Variants in ROR1 observed in about 807,000 individuals in gnomAD.
The protein encoded by ROR1 is ROR family WNT receptor 1.
A neutral mutation model predicts 78.8 loss-of-function variants in ROR1; 19 were observed. The ratio of observed to expected loss-of-function variants is 0.24; its 90% CI spans 0.17 to 0.35. The LOEUF (loss-of-function observed/expected upper bound fraction) is 0.35. Ranked by LOEUF, ROR1 falls within the 10% of genes least tolerant of loss-of-function variation. ROR1 has a pLI of 1.00. For missense variants in ROR1, 917 were observed against 1,177.8 expected, an observed-to-expected ratio of 0.78 and a Z score of 3.24; for synonymous variants, 386 against 433.6, an observed-to-expected ratio of 0.89 and a Z score of 1.36.
At chr1:64,073,533 CCT>C (rs1491447679) in intron 4 of ROR1, among the ~76,000 whole-genome samples, 1 of 151,890 alleles carries the variant, frequency 6.6e-6, no homozygotes, top group East Asian at 1.9e-4. Context: ...GTTTTCTTCC[CCT>C]GAGAGTTTCC....
In ROR1 at chr1:63,970,913, A is replaced by G. The variant is rs1196633035; in HGVS notation, c.92-38392A>G. On this transcript the variant is annotated intron_variant, in intron 1 of 8. Coordinates refer to ENST00000371079, the MANE Select transcript of ROR1 (RefSeq NM_005012.4). The stretch of plus-strand genomic sequence containing the variant: ...GTCACCACCCTTGCTGCCTCCCTCT[A>G]TGAACTCTAAAAAATCTTTAGCTCT... Among the ~76,000 whole-genome samples, 4 of 152,174 alleles carry G rather than the reference A, an allele frequency of 2.6e-5. No individual in the cohort carries two copies. The East Asian group carries it at 5.8e-4, about 22-fold the overall frequency.
At chr1:64,014,773 T>TAC (rs1553151602) in intron 2 of ROR1, among the ~76,000 whole-genome samples, 50 of 46,918 alleles carry the variant, frequency 1.1e-3, no homozygotes, top group African/African-American at 2.6e-3. Flanking sequence ...TATATATATA[T>TAC]ACACATTTTG....
chr1:64,094,192 A>C (rs1347387882), intron 4 of ROR1, among the ~76,000 whole-genome samples: 2 of 152,162 alleles, frequency 1.3e-5, no homozygotes, highest in Non-Finnish European at 2.9e-5. Flanking sequence ...CCCTCTCCAA[A>C]GTTTTCTATG....
chr1:64,010,443 G>A (rs1351200048), intron 2 of ROR1, among the ~76,000 whole-genome samples: 4 of 151,142 alleles, frequency 2.6e-5, no homozygotes, highest in Admixed American at 2.6e-4. Flanking sequence ...AAATGTGTGT[G>A]GAATGATGAG....
intron 1 of ROR1, among the ~76,000 whole-genome samples, chr1:63,948,540 T>C (rs924837551): frequency 6.6e-6 from 1 of 152,156 alleles, no homozygotes; most frequent in African/African-American, 2.4e-5. Flanking sequence ...TAATGCCTAG[T>C]AGATGTTCAG....
intron 7 of ROR1, chr1:64,142,865 G>C: frequency 7.2e-7 from 1 of 1,389,400 alleles, no homozygotes; most frequent in Non-Finnish European, 9.3e-7. Context: ...CTTTATACCT[G>C]CAGCCATTGC....
chr1:64,038,308 G>A (rs913949249), intron 2 of ROR1, among the ~76,000 whole-genome samples: 1 of 152,072 alleles, frequency 6.6e-6, no homozygotes, highest in Non-Finnish European at 1.5e-5. Context: ...GAACCATCTG[G>A]CCTCTCTGCC....
At position 64,158,302 on chromosome 1, in the gene ROR1, A is replaced by C. The variant is rs188180455; in HGVS notation, c.1175-679A>C. Among the ~76,000 whole-genome samples the C allele has an allele frequency of 2.0e-5, 3 of 152,328 alleles. No individual in the cohort carries two copies. The East Asian group carries it at 5.8e-4, about 29-fold the overall frequency. On this transcript the variant is annotated intron_variant, in intron 7 of 8. Coordinates refer to ENST00000371079, the MANE Select transcript of ROR1 (RefSeq NM_005012.4). ...AGATTATACAGTGCTGCCATGCTGG[A>C]AGGAATTATAGACACCATCCAAAAC...
chr1:63,832,238 C>T (rs572363543), intron 1 of ROR1, among the ~76,000 whole-genome samples: 17 of 152,238 alleles, frequency 1.1e-4, no homozygotes, highest in East Asian at 1.9e-4. Context: ...ATTCTCTGCC[C>T]GTTACCCAGT....
chr1:64,068,178 G>A (rs930925502), intron 4 of ROR1, among the ~76,000 whole-genome samples: 4 of 152,052 alleles, frequency 2.6e-5, no homozygotes, highest in African/African-American at 4.8e-5. Context: ...GTCTAAAAAC[G>A]TCATGATTGT....
intron 1 of ROR1, among the ~76,000 whole-genome samples, chr1:63,783,177 G>A (rs530886916): frequency 2.0e-5 from 3 of 152,266 alleles, no homozygotes; most frequent in African/African-American, 7.2e-5. Context: ...AGCGTTGAAT[G>A]AAGCCTGTTG....
At chr1:63,790,582 T>G (rs1644720146) in intron 1 of ROR1, among the ~76,000 whole-genome samples, 1 of 152,202 alleles carries the variant, frequency 6.6e-6, no homozygotes, top group Non-Finnish European at 1.5e-5. Flanking sequence ...AGATTCTCCC[T>G]TACAATCCTC....
intron 5 of ROR1, among the ~76,000 whole-genome samples, chr1:64,139,025 G>A (rs1025427567): frequency 1.3e-5 from 2 of 151,880 alleles, no homozygotes; most frequent in African/African-American, 4.8e-5. Context: ...ATATCAGCTG[G>A]GTGTGGTGGC....
At chr1:63,802,413 T>A (rs1274470971) in intron 1 of ROR1, among the ~76,000 whole-genome samples, 7 of 152,194 alleles carry the variant, frequency 4.6e-5, no homozygotes, top group Admixed American at 4.6e-4. Context: ...ATTTGCATGC[T>A]ACTTTACAGT....
intron 1 of ROR1, among the ~76,000 whole-genome samples, chr1:63,928,620 C>T (rs1231290935): frequency 1.3e-5 from 2 of 152,210 alleles, no homozygotes; most frequent in Non-Finnish European, 1.5e-5. Context: ...AACCTGCTCT[C>T]AGTCTCTCCT....
chr1:64,166,823 G>T (rs1650100871), intron 8 of ROR1, among the ~76,000 whole-genome samples: 1 of 152,256 alleles, frequency 6.6e-6, no homozygotes, highest in South Asian at 2.1e-4. Flanking sequence ...GGTGGAGAAG[G>T]TCTGACAGTG....
chr1:64,001,169 A>G (rs968996554), intron 1 of ROR1, among the ~76,000 whole-genome samples: 7 of 152,240 alleles, frequency 4.6e-5, no homozygotes, highest in African/African-American at 1.7e-4. Flanking sequence ...AAAACAAACA[A>G]ACGATTGATA....
At chr1:63,851,892 G>A (rs1390736878) in intron 1 of ROR1, among the ~76,000 whole-genome samples, 5 of 152,226 alleles carry the variant, frequency 3.3e-5, no homozygotes, top group Non-Finnish European at 7.3e-5. Flanking sequence ...GAAAGATCCA[G>A]GGAAGATGGA....
intron 8 of ROR1, among the ~76,000 whole-genome samples, chr1:64,169,506 C>G (rs1238346378): frequency 6.6e-6 from 1 of 152,170 alleles, no homozygotes; most frequent in East Asian, 1.9e-4. Flanking sequence ...TAACCTCCCA[C>G]TGGGTCCCTC....
Sources: allele counts gnomAD v4.1 joint callset (sites outside exome capture counted in the v4.1 genomes callset), GRCh38; gene constraint gnomAD v4.1.1; transcripts MANE v1.5; gene names NCBI Gene and HGNC (gene_info 2026-07-23, HGNC 2026-07-21).